The following OR9A2 variants were observed in gnomAD, a reference collection of about 807,000 sequenced individuals.
OR9A2 encodes the protein olfactory receptor family 9 subfamily A member 2.
OR9A2 carries 14 observed loss-of-function variants against 18.7 expected under a neutral mutation model. The observed-to-expected ratio is 0.75, with a 90% CI of 0.50 to 1.17. OR9A2 has a LOEUF of 1.17. Ranked by LOEUF, OR9A2 falls within the 50% of genes most tolerant of loss-of-function variation. OR9A2 has a pLI of 0.00. For missense variants in OR9A2, 353 were observed against 372.7 expected, an observed-to-expected ratio of 0.95 and a Z score of 0.44; for synonymous variants, 142 against 142.6, an observed-to-expected ratio of 1.00 and a Z score of 0.03.
In OR9A2 at chr7:143,027,036, A is replaced by G. The variant is rs1234936588; in HGVS notation, c.97T>C (p.Phe33Leu). Residue 33 changes from phenylalanine to leucine, a missense_variant, in exon 1 of 1, where the codon TTC becomes CTC. Physicochemically the swap from Phe to Leu is conservative, Grantham distance 22 (BLOSUM62 0). Coordinates refer to ENST00000350513, the MANE Select transcript of OR9A2 (RefSeq NM_001001658.1). ...TTTCCCATTAATGTCACTAAATAGA[A>G]GAAAAAGAATATAGCAAAAAGAATG... is the stretch of plus-strand genomic sequence containing the variant. Reference protein sequence around the residue: ...HHILFAIFFFFYLVTLMGNTV... With the variant: ...HHILFAIFFFLYLVTLMGNTV... 11 of 1,614,150 alleles carry G rather than the reference A, an allele frequency of 6.8e-6. No individual in the cohort carries two copies. The East Asian group carries it at 2.5e-4, about 36-fold the overall frequency.
At position 143,026,278 on chromosome 7, in the gene OR9A2, G is replaced by T; in HGVS notation, c.855C>A (p.Ile285=). The T allele has an allele frequency of 6.2e-7, 1 of 1,613,968 alleles. No individual in the cohort carries two copies. Among genetic ancestry groups the T allele is most frequent in the Non-Finnish European group, 8.5e-7 (1 of 1,179,966 alleles). The change falls in exon 1 of 1, where the codon ATC becomes ATA. Residue 285 remains isoleucine (I), a synonymous_variant. Coordinates refer to ENST00000350513, the MANE Select transcript of OR9A2 (RefSeq NM_001001658.1). ...SVLTPFLNPF[I]FTLRNDKVKE... ...TGACTTTGTCATTCCGAAGAGTAAA[G>T]ATGAAAGGATTCAGGAAGGGGGTTA...
rs1182041001 is a variant in OR9A2, at chr7:143,026,637, T to G, written c.496A>C (p.Lys166Gln). Residue 166 changes from lysine to glutamine, a missense_variant, in exon 1 of 1, where the codon AAA (lysine) becomes CAA (glutamine). Physicochemically the swap from Lys to Gln is moderately conservative, Grantham distance 53 (BLOSUM62 1). Coordinates refer to ENST00000350513, the MANE Select transcript of OR9A2 (RefSeq NM_001001658.1). ...TAAAAATGGTCTAATGAATTTGATT[T>G]GCGGAAGGTAAACTGAAATGTGGCA... ...IYATFQFTFR[K>Q]SNSLDHFYCD... 10 of 1,614,218 alleles carry G rather than the reference T, an allele frequency of 6.2e-6. No homozygotes were observed. The highest frequency in any genetic ancestry group is 8.5e-6 in the Non-Finnish European group (10 of 1,180,048).
rs1797857263 is a variant in OR9A2 at position 143,027,046 on chromosome 7, T to C, written c.87A>G (p.Ile29Met). Residue 29 changes from isoleucine to methionine, a missense_variant, in exon 1 of 1, where the codon ATA (isoleucine) becomes ATG (methionine). Physicochemically the swap from Ile to Met is conservative, Grantham distance 10. Coordinates refer to ENST00000350513, the MANE Select transcript of OR9A2 (RefSeq NM_001001658.1). ...ATGTCACTAAATAGAAGAAAAAGAATATAGCAAAAAGAATGTGGTGTAGTC... is the reference window on the plus strand; with the variant it reads ...ATGTCACTAAATAGAAGAAAAAGAACATAGCAAAAAGAATGTGGTGTAGTC... Reference protein sequence around the residue: ...SQGLHHILFAIFFFFYLVTLM... With the variant: ...SQGLHHILFAMFFFFYLVTLM... 2 of 1,613,876 alleles carry C rather than the reference T, an allele frequency of 1.2e-6. No homozygotes were observed. Among genetic ancestry groups the C allele is most frequent in the Non-Finnish European group, 1.7e-6 (2 of 1,179,912 alleles).
In OR9A2 at chr7:143,026,987, C is replaced by T. The variant is rs767101320; in HGVS notation, c.146G>A (p.Cys49Tyr). Reference sequence around the variant, plus strand: ...GGGGGACTGCAGACGTTTATCCACACAGACAATCACAATGATGACCGTGTT... The same window carrying T: ...GGGGGACTGCAGACGTTTATCCACATAGACAATCACAATGATGACCGTGTT... ...MGNTVIIVIV[C>Y]VDKRLQSPMY... The change falls in exon 1 of 1, where the codon TGT becomes TAT. Residue 49 changes from cysteine to tyrosine, a missense_variant. Coordinates refer to ENST00000350513, the MANE Select transcript of OR9A2 (RefSeq NM_001001658.1). 9.9e-6 allele frequency: 16 copies of T among 1,614,020 alleles called. No homozygotes were observed. The highest frequency in any genetic ancestry group is 1.4e-5 in the Non-Finnish European group (16 of 1,180,016).
rs528413241 is a variant in OR9A2 at position 143,026,584 on chromosome 7, C to T, written c.549G>A (p.Leu183=). 1.2e-6 allele frequency: 2 copies of T among 1,614,134 alleles called. No homozygotes were observed. The highest frequency in any genetic ancestry group is 1.3e-5 in the African/African-American group (1 of 75,010). ...CTGTGAGAAGAGTGTTATCGCAGGA[C>T]AGTTTGAGCAATTGCCCTCGGTCAC... ...FYCDRGQLLK[L]SCDNTLLTEF... Residue 183 remains leucine (L), a synonymous_variant, in exon 1 of 1, where the codon CTG becomes CTA. Coordinates refer to ENST00000350513, the MANE Select transcript of OR9A2 (RefSeq NM_001001658.1).
At position 143,026,728 on chromosome 7, in the gene OR9A2, A is replaced by G. The variant is rs985052775; in HGVS notation, c.405T>C (p.Ser135=). 1.9e-6 allele frequency: 3 copies of G among 1,614,168 alleles called. No homozygotes were observed. The highest frequency in any genetic ancestry group is 1.3e-5 in the African/African-American group (1 of 75,036). ...ACACTATTACCACCCAAATACAGGT[A>G]CTGCTGTTCATAATGATGTTGTACC... ...PLRYNIIMNS[S]TCIWVVIVSW... Residue 135 remains serine, a synonymous_variant, in exon 1 of 1, where the codon AGT becomes AGC. Coordinates refer to ENST00000350513, the MANE Select transcript of OR9A2 (RefSeq NM_001001658.1).
chr7:143,026,651 T>A lies in OR9A2; in HGVS notation c.482A>T (p.Gln161Leu). Residue 161 changes from glutamine (Q) to leucine (L), a missense_variant, in exon 1 of 1, where the codon CAG (glutamine) becomes CTG (leucine). Transcript: ENST00000350513. ...TGAATTTGATTTGCGGAAGGTAAACTGAAATGTGGCATAGATGGGCCAGAT... is the reference window on the plus strand; with the variant it reads ...TGAATTTGATTTGCGGAAGGTAAACAGAAATGTGGCATAGATGGGCCAGAT... The part of the protein sequence containing the change: ...SEIWPIYATF[Q>L]FTFRKSNSLD... The A allele has an allele frequency of 6.2e-7, 1 of 1,614,212 alleles. No homozygotes were observed. The highest frequency in any genetic ancestry group is 8.5e-7 in the Non-Finnish European group (1 of 1,180,042).
In OR9A2 at chr7:143,026,473, G is replaced by A; in HGVS notation, c.660C>T (p.Thr220=). The A allele has an allele frequency of 1.2e-6, 2 of 1,614,134 alleles. No homozygotes were observed. Among genetic ancestry groups the A allele is most frequent in the Non-Finnish European group, 1.7e-6 (2 of 1,180,028 alleles). Residue 220 remains threonine (T), a synonymous_variant, in exon 1 of 1, where the codon ACC becomes ACT. Coordinates refer to ENST00000350513, the MANE Select transcript of OR9A2 (RefSeq NM_001001658.1). ...TIVSYTYIIS[T]ILKIPSASGR... ...CAGAGGCTGACGGGATCTTGAGGAT[G>A]GTGGAGATAATGTAGGTGTAGGAGA...
Position 143,026,940 on chromosome 7 carries a change from G to A in OR9A2, c.193C>T (p.Leu65Phe), listed in dbSNP as rs1391467649. The change falls in exon 1 of 1, where the codon CTC becomes TTC. Residue 65 changes from leucine to phenylalanine, a missense_variant. Coordinates refer to ENST00000350513, the MANE Select transcript of OR9A2 (RefSeq NM_001001658.1). Reference protein sequence around the residue: ...QSPMYFFLSHLSTLEILVTTI... With the variant: ...QSPMYFFLSHFSTLEILVTTI... ...GTGACCAGGATCTCCAGGGTAGAGA[G>A]GTGGCTGAGGAAGAAATACATGGGG... 3 of 1,614,182 alleles carry A rather than the reference G, an allele frequency of 1.9e-6. No individual in the cohort carries two copies. The highest frequency in any genetic ancestry group is 2.2e-5 in the South Asian group (2 of 91,082).
At position 143,026,685 on chromosome 7, in the gene OR9A2, G is replaced by C; in HGVS notation, c.448C>G (p.Leu150Val). The C allele has an allele frequency of 5.6e-6, 9 of 1,614,166 alleles. No individual in the cohort carries two copies. Among genetic ancestry groups the C allele is most frequent in the Non-Finnish European group, 6.8e-6 (8 of 1,180,020 alleles). ...VVIVSWVFGF[L>V]SEIWPIYATF... ...GCATAGATGGGCCAGATTTCAGAAA[G>C]AAATCCAAACACCCATGACACTATT... is the stretch of plus-strand genomic sequence containing the variant. Residue 150 changes from leucine to valine, a missense_variant, in exon 1 of 1, where the codon CTT becomes GTT. Leu to Val is a conservative substitution (Grantham distance 32). Coordinates refer to ENST00000350513, the MANE Select transcript of OR9A2 (RefSeq NM_001001658.1).
Position 143,026,278 on chromosome 7 carries a change from G to A in OR9A2, c.855C>T (p.Ile285=). The A allele has an allele frequency of 6.2e-7, 1 of 1,613,968 alleles. No homozygotes were observed. The highest frequency in any genetic ancestry group is 2.2e-5 in the East Asian group (1 of 44,880). The change falls in exon 1 of 1, where the codon ATC becomes ATT. Residue 285 remains isoleucine, a synonymous_variant. Coordinates refer to ENST00000350513, the MANE Select transcript of OR9A2 (RefSeq NM_001001658.1). Reference sequence around the variant, plus strand: ...TGACTTTGTCATTCCGAAGAGTAAAGATGAAAGGATTCAGGAAGGGGGTTA... The same window carrying A: ...TGACTTTGTCATTCCGAAGAGTAAAAATGAAAGGATTCAGGAAGGGGGTTA... ...SVLTPFLNPF[I]FTLRNDKVKE... is the part of the protein sequence containing the mutation.
rs773902158 is a variant in OR9A2, at chr7:143,026,371, G to C, written c.762C>G (p.Leu254=). 3 of 1,614,166 alleles carry C rather than the reference G, an allele frequency of 1.9e-6. No homozygotes were observed. Among genetic ancestry groups the C allele is most frequent in the Admixed American group, 1.7e-5 (1 of 60,022 alleles). ...CCTGTGTTTGCTTGGGTTTCACGTA[G>C]AGAAACAAGCAGCTGCCATAGCCAA... ...VVIGYGSCLF[L]YVKPKQTQGV... Residue 254 remains leucine, a synonymous_variant, in exon 1 of 1, where the codon CTC becomes CTG. Transcript: ENST00000350513.
chr7:143,026,789 G>C lies in OR9A2; in HGVS notation c.344C>G (p.Ala115Gly). Residue 115 changes from alanine to glycine, a missense_variant, in exon 1 of 1, where the codon GCT becomes GGT. Ala to Gly is a moderately conservative substitution (Grantham distance 60). Transcript: ENST00000350513. Reference protein sequence around the residue: ...TMEFALLGVMAVDRYVAVCNP... With the variant: ...TMEFALLGVMGVDRYVAVCNP... The stretch of plus-strand genomic sequence containing the variant: ...ACACACAGCCACATAACGGTCCACA[G>C]CCATCACTCCAAGTAATGCAAACTC... 6.2e-7 allele frequency: 1 copy of C among 1,614,036 alleles called. No homozygotes were observed. The highest frequency in any genetic ancestry group is 8.5e-7 in the Non-Finnish European group (1 of 1,179,984).
Position 143,026,550 on chromosome 7 carries a change from G to T in OR9A2, c.583C>A (p.Leu195Ile). The change falls in exon 1 of 1, where the codon CTT (leucine) becomes ATT (isoleucine). Residue 195 changes from leucine (L) to isoleucine (I), a missense_variant. Transcript: ENST00000350513. ...CDNTLLTEFI[L>I]FLMAVFILIG... is the part of the protein sequence containing the mutation. ...AGAATAAAAACAGCCATTAAGAAAAGGATAAACTCTGTGAGAAGAGTGTTA... is the reference window on the plus strand; with the variant it reads ...AGAATAAAAACAGCCATTAAGAAAATGATAAACTCTGTGAGAAGAGTGTTA... 6.2e-7 allele frequency: 1 copy of T among 1,614,146 alleles called. No individual in the cohort carries two copies. Among genetic ancestry groups the T allele is most frequent in the Non-Finnish European group, 8.5e-7 (1 of 1,180,004 alleles).
rs140452828 is a variant in OR9A2 at position 143,026,429 on chromosome 7, G to GAGA, written c.701_703dup (p.Phe234dup). ...ACAGGTGAAGTGGGAGGCAAAAGTGGAGAAGGCTTTCCTCCGGCCAGAGGC... is the reference window on the plus strand; with the variant it reads ...ACAGGTGAAGTGGGAGGCAAAAGTGGAGAAGAAGGCTTTCCTCCGGCCAGAGGC... On this transcript the variant is annotated inframe_insertion, in exon 1 of 1. Transcript: ENST00000350513. The GAGA allele has an allele frequency of 5.7e-4, 922 of 1,614,182 alleles. 7 individuals carry two copies. The African/African-American group carries it at 0.011, about 19-fold the overall frequency.
chr7:143,026,892 G>A lies in OR9A2; in HGVS notation c.241C>T (p.Leu81Phe). 6.2e-7 allele frequency: 1 copy of A among 1,614,004 alleles called. No homozygotes were observed. Reference sequence around the variant, plus strand: ...CATCCCAGGAAGAGCAATCCCCAAAGCATCATGGGGACAATTATGGTTGTG... The same window carrying A: ...CATCCCAGGAAGAGCAATCCCCAAAACATCATGGGGACAATTATGGTTGTG... ...LVTTIIVPMM[L>F]WGLLFLGCRQ... Residue 81 changes from leucine (L) to phenylalanine (F), a missense_variant, in exon 1 of 1, where the codon CTT (leucine) becomes TTT (phenylalanine). Physicochemically the swap from Leu to Phe is conservative, Grantham distance 22. Coordinates refer to ENST00000350513, the MANE Select transcript of OR9A2 (RefSeq NM_001001658.1).
chr7:143,026,966 G>T lies in OR9A2; in HGVS notation c.167C>A (p.Ser56Tyr). The T allele has an allele frequency of 2.5e-6, 4 of 1,614,144 alleles. No homozygotes were observed. The highest frequency in any genetic ancestry group is 3.4e-6 in the Non-Finnish European group (4 of 1,180,010). The change falls in exon 1 of 1, where the codon TCC becomes TAC. Residue 56 changes from serine (S) to tyrosine (Y), a missense_variant. Ser to Tyr is a moderately radical substitution (Grantham distance 144). Coordinates refer to ENST00000350513, the MANE Select transcript of OR9A2 (RefSeq NM_001001658.1). ...GTGGCTGAGGAAGAAATACATGGGG[G>T]ACTGCAGACGTTTATCCACACAGAC... ...VIVCVDKRLQ[S>Y]PMYFFLSHLS...
Position 143,026,280 on chromosome 7 carries a change from T to A in OR9A2, c.853A>T (p.Ile285Phe). ...ACTTTGTCATTCCGAAGAGTAAAGATGAAAGGATTCAGGAAGGGGGTTAAC... is the reference window on the plus strand; with the variant it reads ...ACTTTGTCATTCCGAAGAGTAAAGAAGAAAGGATTCAGGAAGGGGGTTAAC... ...SVLTPFLNPF[I>F]FTLRNDKVKE... Residue 285 changes from isoleucine to phenylalanine, a missense_variant, in exon 1 of 1, where the codon ATC (isoleucine) becomes TTC (phenylalanine). By Grantham distance (21) the Ile-to-Phe change is conservative (BLOSUM62 0). Transcript: ENST00000350513. 1 of 1,613,990 alleles carries A rather than the reference T, an allele frequency of 6.2e-7. No homozygotes were observed. The highest frequency in any genetic ancestry group is 8.5e-7 in the Non-Finnish European group (1 of 1,179,988).
rs1797845967 is a variant in OR9A2 at position 143,026,576 on chromosome 7, T to C, written c.557A>G (p.Asp186Gly). 1 of 1,614,244 alleles carries C rather than the reference T, an allele frequency of 6.2e-7. No individual in the cohort carries two copies. Residue 186 changes from aspartate to glycine, a missense_variant, in exon 1 of 1, where the codon GAT becomes GGT. Coordinates refer to ENST00000350513, the MANE Select transcript of OR9A2 (RefSeq NM_001001658.1). ...DRGQLLKLSC[D>G]NTLLTEFILF... The stretch of plus-strand genomic sequence containing the variant: ...GATAAACTCTGTGAGAAGAGTGTTA[T>C]CGCAGGACAGTTTGAGCAATTGCCC...
Sources: gnomAD v4.1 joint callset for allele counts on GRCh38, gnomAD v4.1.1 for gene constraint, MANE v1.5 for transcripts, NCBI Gene and HGNC (gene_info 2026-07-23, HGNC 2026-07-21) for gene names.